The following MAD1L1 variants were observed in gnomAD, a reference collection of about 807,000 sequenced individuals.
MAD1L1 encodes mitotic spindle assembly checkpoint protein MAD1.
Under a neutral mutation model 96.9 loss-of-function variants are expected in MAD1L1, and 95 were observed. The observed-to-expected ratio is 0.98, with a 90% CI of 0.83 to 1.16. The LOEUF (loss-of-function observed/expected upper bound fraction) is 1.16. MAD1L1 is among the 50% of genes most tolerant of loss of function. MAD1L1 has a pLI of 0.00. For synonymous variants in MAD1L1, 473 were observed against 396.6 expected (o/e 1.19, Z -2.29); for missense variants, 1,007 against 954.4 (o/e 1.06, Z -0.73).
intron 12 of MAD1L1, among the ~76,000 whole-genome samples, chr7:2,016,147 G>C (rs891609333): frequency 6.6e-6 from 1 of 152,198 alleles, no homozygotes; most frequent in Admixed American, 6.5e-5. Context: ...GGAAACAACA[G>C]GTGCTCAAGA....
chr7:1,953,342 A>G (rs1212314475), intron 16 of MAD1L1, among the ~76,000 whole-genome samples: 1 of 152,156 alleles, frequency 6.6e-6, no homozygotes, highest in Non-Finnish European at 1.5e-5. Context: ...TCTTTCCTGA[A>G]CAGCACTTGG....
chr7:2,100,862 G>A (rs117038973), intron 11 of MAD1L1, among the ~76,000 whole-genome samples: 4,124 of 152,358 alleles, frequency 0.027, 98 homozygotes, highest in South Asian at 0.09. Context: ...GCTCCAGCAT[G>A]ACTCCTGTCG....
intron 10 of MAD1L1, among the ~76,000 whole-genome samples, chr7:2,168,514 G>C (rs1304352603): frequency 1.3e-5 from 2 of 152,222 alleles, no homozygotes; most frequent in Admixed American, 6.5e-5. Context: ...GGCCCCAGCT[G>C]GTCCCTGGCC....
intron 11 of MAD1L1, among the ~76,000 whole-genome samples, chr7:2,129,692 G>A (rs372349471): frequency 1.2e-4 from 19 of 152,336 alleles, no homozygotes; most frequent in East Asian, 3.9e-4. Context: ...ACGCAGGCTC[G>A]AGCTTCTGCC....
At chr7:1,890,002 T>G (rs1032509460) in intron 18 of MAD1L1, among the ~76,000 whole-genome samples, 3 of 152,010 alleles carry the variant, frequency 2.0e-5, no homozygotes, top group African/African-American at 7.3e-5. Context: ...AGCTGGGAGG[T>G]GGAGCTGCCT....
In MAD1L1 at chr7:1,968,194, G is replaced by A. The variant is rs1780251376; in HGVS notation, c.1506-10475C>T. On this transcript the variant is annotated intron_variant, in intron 15 of 18. Coordinates refer to ENST00000265854, the MANE Select transcript of MAD1L1 (RefSeq NM_001013836.2). The surrounding 1 kb of genome is among the most constrained non-coding windows in gnomAD (Gnocchi z 5.6). ...GCGGACGAGGCACCCGGCAGAGCACGCCTCAATCCGGCGGTCAGGTCCACC... is the reference window on the plus strand; with the variant it reads ...GCGGACGAGGCACCCGGCAGAGCACACCTCAATCCGGCGGTCAGGTCCACC... 2.0e-5 allele frequency among the ~76,000 whole-genome samples: 3 copies of A among 152,232 alleles called. No individual in the cohort carries two copies. Among genetic ancestry groups the A allele is most frequent in the Admixed American group, 6.5e-5 (1 of 15,286 alleles).
rs572217132 is a variant in MAD1L1, at chr7:1,820,858, G to A, written c.1999-4630C>T. On this transcript the variant is annotated intron_variant, in intron 18 of 18. Coordinates refer to ENST00000265854, the MANE Select transcript of MAD1L1 (RefSeq NM_001013836.2). ...GCACTTTGGGAGGCCGAGGTGGGCGGATCACGAGGTCAGGAGATCAAGACC... is the reference window on the plus strand; with the variant it reads ...GCACTTTGGGAGGCCGAGGTGGGCGAATCACGAGGTCAGGAGATCAAGACC... Among the ~76,000 whole-genome samples, 129 of 152,148 alleles carry A rather than the reference G, an allele frequency of 8.5e-4. 1 individual carries two copies. The highest frequency in any genetic ancestry group is 2.4e-3 in the African/African-American group (98 of 41,518).
At chr7:1,854,393 C>G (rs373633779) in intron 18 of MAD1L1, 1 of 465,486 alleles carries the variant, frequency 2.1e-6, no homozygotes, top group Non-Finnish European at 4.3e-6. Context: ...TCCACTCGGC[C>G]GCTGCAGACT....
chr7:2,049,390 T>C (rs1394691824), intron 12 of MAD1L1, among the ~76,000 whole-genome samples: 1 of 152,174 alleles, frequency 6.6e-6, no homozygotes, highest in African/African-American at 2.4e-5. Context: ...CCCCACTCCA[T>C]GGCCTCTGCT....
chr7:2,227,944 T>C lies in MAD1L1; in HGVS notation c.150+2040A>G, dbSNP rs575009287. ...TTACCCTTACGTTAAATCAACACGA[T>C]GTGTGAGAAACCAGACAGCACACAT... On this transcript the variant is annotated intron_variant, in intron 3 of 18. Transcript: ENST00000265854. Among the ~76,000 whole-genome samples the C allele has an allele frequency of 9.2e-5, 14 of 152,150 alleles. No individual in the cohort carries two copies. The South Asian group carries it at 1.5e-3, about 16-fold the overall frequency.
chr7:2,076,451 C>A (rs1393149964), intron 11 of MAD1L1, among the ~76,000 whole-genome samples: 1 of 152,248 alleles, frequency 6.6e-6, no homozygotes, highest in African/African-American at 2.4e-5. Flanking sequence ...TGCCATCCTG[C>A]ACTCCTCAGC....
At chr7:2,120,835 C>T (rs1368949884) in intron 11 of MAD1L1, among the ~76,000 whole-genome samples, 2 of 152,192 alleles carry the variant, frequency 1.3e-5, no homozygotes, top group East Asian at 1.9e-4. Flanking sequence ...GAGCTGCTTC[C>T]GTTTCCAAGG....
At chr7:2,053,561 G>A (rs1275263325) in intron 12 of MAD1L1, among the ~76,000 whole-genome samples, 1 of 152,342 alleles carries the variant, frequency 6.6e-6, no homozygotes, top group Middle Eastern at 3.4e-3. Context: ...AGGCCCTGGC[G>A]GGCGGCAGGA....
intron 18 of MAD1L1, among the ~76,000 whole-genome samples, chr7:1,822,778 T>C (rs1285855074): frequency 2.0e-5 from 3 of 150,642 alleles, no homozygotes; most frequent in South Asian, 4.2e-4. Context: ...CTAAAATGTA[T>C]ATAGAAAGCA....
intron 17 of MAD1L1, among the ~76,000 whole-genome samples, chr7:1,905,824 C>A (rs1787592689): frequency 6.6e-6 from 1 of 152,074 alleles, no homozygotes; most frequent in Admixed American, 6.5e-5. Context: ...CCAAAGCAGG[C>A]AGATTATCTG....
At chr7:2,128,603 C>T (rs1584389616) in intron 11 of MAD1L1, among the ~76,000 whole-genome samples, 2 of 152,234 alleles carry the variant, frequency 1.3e-5, no homozygotes, top group Admixed American at 1.3e-4. Flanking sequence ...GGCTGTGTAA[C>T]ATGGAAGGAT....
intron 17 of MAD1L1, among the ~76,000 whole-genome samples, chr7:1,934,410 C>A (rs1324500345): frequency 4.7e-5 from 7 of 150,008 alleles, no homozygotes; most frequent in East Asian, 2.0e-4. Context: ...ACCCAGACAA[C>A]AAGGGAAGGA....
intron 14 of MAD1L1, among the ~76,000 whole-genome samples, chr7:1,999,143 G>A (rs925619464): frequency 6.6e-6 from 1 of 152,146 alleles, no homozygotes; most frequent in African/African-American, 2.4e-5. Context: ...AATGGAAACC[G>A]AGTCTCAGAC....
chr7:1,995,384 A>G (rs1341342794), intron 14 of MAD1L1, among the ~76,000 whole-genome samples: 2 of 152,080 alleles, frequency 1.3e-5, no homozygotes, highest in Admixed American at 1.3e-4. Flanking sequence ...CAGCACACGA[A>G]CTCACTTAGC....
Sources: allele counts gnomAD v4.1 joint callset (sites outside exome capture counted in the v4.1 genomes callset), GRCh38; gene constraint gnomAD v4.1.1; non-coding constraint Gnocchi (gnomAD v3.1); transcripts MANE v1.5; gene names NCBI Gene and HGNC (gene_info 2026-07-23, HGNC 2026-07-21).